The following SPDYE1 variants were observed in gnomAD, a reference collection of about 807,000 sequenced individuals.
SPDYE1 encodes the protein speedy protein E1.
A neutral mutation model predicts 45.9 loss-of-function variants in SPDYE1; 29 were observed. That is an observed-to-expected ratio of 0.63 (90% CI 0.47 to 0.86). SPDYE1 has a LOEUF of 0.86. Ranked by LOEUF, SPDYE1 falls within the 40% of genes least tolerant of loss-of-function variation. The pLI is 0.00. For missense variants in SPDYE1, 346 were observed against 481.4 expected, an observed-to-expected ratio of 0.72 and a Z score of 2.63; for synonymous variants, 134 against 176.8, an observed-to-expected ratio of 0.76 and a Z score of 1.92.
intron 2 of SPDYE1, among the ~76,000 whole-genome samples, chr7:44,000,435 AAAG>A (rs899663161): frequency 3.3e-5 from 5 of 150,924 alleles, no homozygotes; most frequent in African/African-American, 1.2e-4. Context: ...AAAAAAAAGA[AAAG>A]AAAAGAAAAG....
Position 44,005,175 on chromosome 7 carries a change from C to T in SPDYE1, c.700C>T (p.Arg234Ter), listed in dbSNP as rs758654901. The T allele has an allele frequency of 1.4e-5, 23 of 1,611,880 alleles. No individual in the cohort carries two copies. The highest frequency in any genetic ancestry group is 4.5e-5 in the East Asian group (2 of 44,896). Residue 234 changes from arginine (R) to a stop codon, truncating the protein, a stop_gained, in exon 6 of 9, where the codon CGA becomes TGA. Coordinates refer to ENST00000693451, the MANE Select transcript of SPDYE1 (RefSeq NM_001378423.2). LOFTEE classifies it high-confidence loss of function. ...LLAMVIAYFSRAGFPSWQYQR... is the reference protein window; with the variant it reads ...LLAMVIAYFS The stretch of plus-strand genomic sequence containing the variant: ...TGCTATGGTCATAGCGTATTTCAGC[C>T]GAGCCGGCTTCCCCTCCTGGCAATA...
chr7:44,010,023 G>C lies in SPDYE1; in HGVS notation c.*1402G>C, dbSNP rs887294154. On this transcript the variant is annotated 3_prime_UTR_variant, in exon 9 of 9. Coordinates refer to ENST00000693451, the MANE Select transcript of SPDYE1 (RefSeq NM_001378423.2). ...GCATGTTTGTATGTTACTTTAAAGA[G>C]GATGTGTGTTCTAAAGGAGGACATG... The C allele has an allele frequency of 1.3e-5, 2 of 152,168 alleles. No homozygotes were observed. The highest frequency in any genetic ancestry group is 4.8e-5 in the African/African-American group (2 of 41,450). 9.4% of individuals were successfully genotyped at this position (152,168 alleles called of 1,614,324 possible). A position where few individuals can be genotyped will look rare whatever the true frequency, so the allele number is the denominator to read the frequency against.
chr7:44,002,319 C>CAAAAAAAAAAA (rs57275170), intron 3 of SPDYE1, among the ~76,000 whole-genome samples: 5 of 43,330 alleles, frequency 1.2e-4, no homozygotes, highest in Middle Eastern at 0.017. Context: ...ACAACAACAA[C>CAAAAAAAAAAA]AAAAAAAAAA....
rs1437365184 is a variant in SPDYE1 at position 44,007,777 on chromosome 7, G to A, written c.*9G>A. The A allele has an allele frequency of 3.1e-6, 5 of 1,610,556 alleles. No individual in the cohort carries two copies. Among genetic ancestry groups the A allele is most frequent in the Non-Finnish European group, 4.2e-6 (5 of 1,179,588 alleles). ...GCGCTCGCCTTTCCTAGAGCTCCAG[G>A]GACCGTGGAGGCCTGAGGTCATCGG... is the stretch of plus-strand genomic sequence containing the variant. On this transcript the variant is annotated 3_prime_UTR_variant, in exon 8 of 9. Coordinates refer to ENST00000693451, the MANE Select transcript of SPDYE1 (RefSeq NM_001378423.2).
At chr7:44,003,437 AACTT>A (rs1229461232) in intron 4 of SPDYE1, among the ~76,000 whole-genome samples, 1 of 152,266 alleles carries the variant, frequency 6.6e-6, no homozygotes, top group East Asian at 1.9e-4. Context: ...TGCCCTCTGA[AACTT>A]AATGTCTCTT....
At chr7:44,007,218 A>C (rs372689704) in intron 6 of SPDYE1, 50 bp from the exon 7 acceptor site, 13 of 1,611,966 alleles carry the variant, frequency 8.1e-6, no homozygotes, top group African/African-American at 1.3e-5. Context: ...CCTCAGCCGG[A>C]GGTCTCTCCT....
rs539214775 is a variant in SPDYE1, at chr7:44,000,997, G to T, written c.161-69G>T. 4.6e-4 allele frequency: 735 copies of T among 1,596,898 alleles called. 2 individuals are homozygous for T. The highest frequency in any genetic ancestry group is 3.2e-3 in the Middle Eastern group (14 of 4,436). ...CTGGGGAGGATGGAGAGTGGTTTGG[G>T]GTTTTGGGTCGGGGTCTAAGGTGAT... On this transcript the variant is annotated intron_variant, in intron 2 of 8. Coordinates refer to ENST00000693451, the MANE Select transcript of SPDYE1 (RefSeq NM_001378423.2).
In SPDYE1 at chr7:44,007,354, T is replaced by C. The variant is rs749794901; in HGVS notation, c.839T>C (p.Ile280Thr). The change falls in exon 7 of 9, where the codon ATA becomes ACA. Residue 280 changes from isoleucine (I) to threonine (T), a missense_variant. Physicochemically the swap from Ile to Thr is moderately conservative, Grantham distance 89. This residue lies in a region of SPDYE1 where 186 missense variants were observed against 219.1 expected (regional missense o/e 0.85). Coordinates refer to ENST00000693451, the MANE Select transcript of SPDYE1 (RefSeq NM_001378423.2). ...HFLYGKNRSR[I>T]PLLRKRRFQL... Reference sequence around the variant, plus strand: ...CTGTATGGGAAGAACCGCTCTCGCATACCCTTGCTCCGTAAGCGTCGGTTC... The same window carrying C: ...CTGTATGGGAAGAACCGCTCTCGCACACCCTTGCTCCGTAAGCGTCGGTTC... The C allele has an allele frequency of 2.5e-6, 4 of 1,613,248 alleles. No individual in the cohort carries two copies. In the Admixed American group the frequency reaches 6.7e-5, roughly 27 times the overall value.
At chr7:44,008,013 G>A in intron 8 of SPDYE1, 200 bp downstream of exon 8, 1 of 1,428,980 alleles carries the variant, frequency 7.0e-7, no homozygotes, top group Non-Finnish European at 9.3e-7. Flanking sequence ...AGGATTGCTG[G>A]AGCCTGGAAG....
chr7:44,001,595 A>C (rs934501726), intron 3 of SPDYE1, among the ~76,000 whole-genome samples: 2 of 152,052 alleles, frequency 1.3e-5, no homozygotes, highest in African/African-American at 4.8e-5. Flanking sequence ...TTGAGGCTGC[A>C]GTGAGCTATG....
rs755655308 is a variant in SPDYE1 at position 44,007,449 on chromosome 7, C to A, written c.934C>A (p.Arg312=). 3 of 1,573,102 alleles carry A rather than the reference C, an allele frequency of 1.9e-6. No homozygotes were observed. The highest frequency in any genetic ancestry group is 2.6e-6 in the Non-Finnish European group (3 of 1,154,472). Residue 312 remains arginine (R), a synonymous_variant, in exon 7 of 9, where the codon CGG becomes AGG. Coordinates refer to ENST00000693451, the MANE Select transcript of SPDYE1 (RefSeq NM_001378423.2). ...RSHIPLVRKR[R]FQLRRCMNPR... ...TCACATACCCTTGGTCCGTAAGCGT[C>A]GGTTCCAGTTACGCCGTTGCATGAA... is the stretch of plus-strand genomic sequence containing the variant.
intron 6 of SPDYE1, 48 bp downstream of exon 6, chr7:44,005,275 C>G (rs763287726): frequency 1.4e-5 from 23 of 1,597,722 alleles, no homozygotes; most frequent in Middle Eastern, 2.3e-4. Context: ...TGCCCTGGGA[C>G]AGCGGGGGAA....
chr7:44,008,929 C>T lies in SPDYE1; in HGVS notation c.*308C>T. Reference sequence around the variant, plus strand: ...GTTCCACCCTTTCCTGGGGCACCACCACCCTTTTTATATTGCTGAATTCCA... The same window carrying T: ...GTTCCACCCTTTCCTGGGGCACCACTACCCTTTTTATATTGCTGAATTCCA... On this transcript the variant is annotated 3_prime_UTR_variant, in exon 9 of 9. Coordinates refer to ENST00000693451, the MANE Select transcript of SPDYE1 (RefSeq NM_001378423.2). 4 of 570,180 alleles carry T rather than the reference C, an allele frequency of 7.0e-6. No individual in the cohort carries two copies. The highest frequency in any genetic ancestry group is 5.6e-5 in the South Asian group (4 of 71,454). 35.3% of individuals were successfully genotyped at this position (570,180 alleles called of 1,614,324 possible).
rs1236954902 is a variant in SPDYE1 at position 44,002,621 on chromosome 7, G to A, written c.411G>A (p.Arg137=). The A allele has an allele frequency of 6.3e-7, 1 of 1,596,740 alleles. No individual in the cohort carries two copies. The highest frequency in any genetic ancestry group is 2.2e-5 in the East Asian group (1 of 44,818). ...GGGTAGATCCCAGCCCCCCGCATAGGTCCTTTTGCTGGAAAAGGAAGATGG... is the reference window on the plus strand; with the variant it reads ...GGGTAGATCCCAGCCCCCCGCATAGATCCTTTTGCTGGAAAAGGAAGATGG... ...APGVDPSPPH[R]SFCWKRKMEW... is the part of the protein sequence containing the mutation. The change falls in exon 4 of 9, where the codon AGG becomes AGA. Residue 137 remains arginine, a synonymous_variant. Coordinates refer to ENST00000693451, the MANE Select transcript of SPDYE1 (RefSeq NM_001378423.2).
At chr7:44,001,758 A>G (rs2096063457) in intron 3 of SPDYE1, among the ~76,000 whole-genome samples, 1 of 152,172 alleles carries the variant, frequency 6.6e-6, no homozygotes, top group African/African-American at 2.4e-5. Flanking sequence ...GAGACCAACC[A>G]GACCAATATA....
In SPDYE1 at chr7:44,010,075, G is replaced by C. The variant is rs1384104482; in HGVS notation, c.*1454G>C. On this transcript the variant is annotated 3_prime_UTR_variant, in exon 9 of 9. Transcript: ENST00000693451. ...GCTGTGTGTTTTCAAGAGAACAATA[G>C]AGTGTGTCTCTTGGGGAAACGTAAT... 1 of 152,226 alleles carries C rather than the reference G, an allele frequency of 6.6e-6. No individual in the cohort carries two copies. The highest frequency in any genetic ancestry group is 2.4e-5 in the African/African-American group (1 of 41,456). The allele number at this position is 152,226 out of a possible 1,614,324, so 9.4% of individuals were successfully genotyped here.
intron 8 of SPDYE1, 26 bp from the exon 9 acceptor site, chr7:44,008,641 T>G: frequency 1.6e-6 from 2 of 1,260,574 alleles, no homozygotes; most frequent in Non-Finnish European, 1.0e-6. Context: ...CTCCTTGAAG[T>G]GTGACATTGT....
At chr7:44,003,581 G>A (rs1212821776) in intron 4 of SPDYE1, among the ~76,000 whole-genome samples, 9 of 151,000 alleles carry the variant, frequency 6.0e-5, no homozygotes, top group African/African-American at 1.7e-4. Context: ...TGGTCCCTCC[G>A]TGTCTGCTGG....
chr7:44,008,394 A>G (rs1218169412), intron 8 of SPDYE1, among the ~76,000 whole-genome samples: 3 of 152,106 alleles, frequency 2.0e-5, no homozygotes, highest in Non-Finnish European at 4.4e-5. Context: ...AGGGTGCCCT[A>G]CTCCCTGGGC....
Sources: allele counts gnomAD v4.1 joint callset (sites outside exome capture counted in the v4.1 genomes callset), GRCh38; gene constraint gnomAD v4.1.1; regional missense constraint gnomAD v4.1.1; transcripts MANE v1.5; gene names NCBI Gene and HGNC (gene_info 2026-07-23, HGNC 2026-07-21).